Variants in MAN2C1 observed in about 807,000 individuals in gnomAD.
MAN2C1 encodes alpha-mannosidase 2C1.
A neutral mutation model predicts 126.9 loss-of-function variants in MAN2C1; 111 were observed. That is an observed-to-expected ratio of 0.87 (90% CI 0.75 to 1.02). The LOEUF is 1.02. Ranked by LOEUF, MAN2C1 falls within the 50% of genes least tolerant of loss-of-function variation. The probability of loss-of-function intolerance (pLI) is 0.00; values close to 1 mark genes in which losing one functional copy is unlikely to be tolerated. For missense variants in MAN2C1, 1,363 were observed against 1,364.4 expected (o/e 1.00, Z 0.02); for synonymous variants, 567 against 561.5 (o/e 1.01, Z -0.14).
chr15:75,361,061 G>C lies in MAN2C1; in HGVS notation c.1445C>G (p.Thr482Arg). ...MLDRLKRLSN[T>R]DGLPRVQLSS... ...CTGGCCTGACCTGGGCAGCCCATCCGTATTGCTCAGGCGCTTCAGGCGGTC... is the reference window on the plus strand; with the variant it reads ...CTGGCCTGACCTGGGCAGCCCATCCCTATTGCTCAGGCGCTTCAGGCGGTC... The change falls in exon 12 of 26, where the codon ACG becomes AGG. Residue 482 changes from threonine to arginine, a missense_variant. By Grantham distance (71) the Thr-to-Arg change is moderately conservative (BLOSUM62 -1). This residue lies in a region of MAN2C1 where 67 missense variants were observed against 104.5 expected (regional missense o/e 0.64). Transcript: ENST00000267978. The surrounding 1 kb of genome is among the most constrained non-coding windows in gnomAD (Gnocchi z 5.0). 2 of 1,610,616 alleles carry C rather than the reference G, an allele frequency of 1.2e-6. No individual in the cohort carries two copies. The highest frequency in any genetic ancestry group is 1.7e-6 in the Non-Finnish European group (2 of 1,178,750).
rs376422909 is a variant in MAN2C1 at position 75,361,959 on chromosome 15, G to A, written c.1009-12C>T. Reference sequence around the variant, plus strand: ...GGCAGGTTCCCATCCTGGCAGTGAAGGAAGTGGGAGGCAGCCCAGGTCAGC... The same window carrying A: ...GGCAGGTTCCCATCCTGGCAGTGAAAGAAGTGGGAGGCAGCCCAGGTCAGC... On this transcript the variant is annotated splice_polypyrimidine_tract_variant and intron_variant, in intron 8 of 25. Transcript: ENST00000267978. The surrounding 1 kb of genome is among the most constrained non-coding windows in gnomAD (Gnocchi z 5.0). 51 of 1,605,836 alleles carry A rather than the reference G, an allele frequency of 3.2e-5. No individual in the cohort carries two copies. The highest frequency in any genetic ancestry group is 5.0e-5 in the Admixed American group (3 of 60,004).
intron 18 of MAN2C1, 112 bp downstream of exon 18, chr15:75,358,947 C>T (rs2072405141): frequency 2.0e-6 from 3 of 1,508,440 alleles, no homozygotes; most frequent in African/African-American, 2.7e-5. Context: ...GTGTGGGTTC[C>T]AGCCCAGAGC....
In MAN2C1 at chr15:75,361,823, C is replaced by T. The variant is rs2072476041; in HGVS notation, c.1101+32G>A. The T allele has an allele frequency of 1.2e-6, 2 of 1,609,310 alleles. No individual in the cohort carries two copies. Among genetic ancestry groups the T allele is most frequent in the Non-Finnish European group, 1.7e-6 (2 of 1,175,698 alleles). ...CCAAGTCGAGCGCCAGCCCCACTCGCCCACAGCCTGGTGTAGCAGCTCTCA... is the reference window on the plus strand; with the variant it reads ...CCAAGTCGAGCGCCAGCCCCACTCGTCCACAGCCTGGTGTAGCAGCTCTCA... On this transcript the variant is annotated intron_variant, in intron 9 of 25. Transcript: ENST00000267978. The surrounding 1 kb of genome is among the most constrained non-coding windows in gnomAD (Gnocchi z 5.0).
chr15:75,364,658 G>A lies in MAN2C1; in HGVS notation c.430C>T (p.Leu144Phe). The change falls in exon 5 of 26, where the codon CTC becomes TTC. Residue 144 changes from leucine to phenylalanine, a missense_variant. Transcript: ENST00000267978. ...CCATTGCAGGCTACTTCCACATAGAGAGTGAGGCTACAAAGATGGGGAGAC... is the reference window on the plus strand; with the variant it reads ...CCATTGCAGGCTACTTCCACATAGAAAGTGAGGCTACAAAGATGGGGAGAC... The part of the protein sequence containing the change: ...LGERDPRSLT[L>F]YVEVACNGLL... The A allele has an allele frequency of 1.9e-6, 3 of 1,609,740 alleles. No homozygotes were observed. Among genetic ancestry groups the A allele is most frequent in the Non-Finnish European group, 2.5e-6 (3 of 1,177,508 alleles).
chr15:75,362,235 G>A lies in MAN2C1; in HGVS notation c.1008+108C>T, dbSNP rs1446182414. The A allele has an allele frequency of 3.2e-6, 3 of 945,920 alleles. No individual in the cohort carries two copies. The highest frequency in any genetic ancestry group is 2.0e-5 in the Admixed American group (1 of 49,618). The allele number at this position is 945,920 out of a possible 1,614,324, so 58.6% of individuals were successfully genotyped here. On this transcript the variant is annotated intron_variant, in intron 8 of 25. Transcript: ENST00000267978. The surrounding 1 kb of genome is among the most constrained non-coding windows in gnomAD (Gnocchi z 4.5). ...AATGAGCCAGCCCTGCCACACAGCG[G>A]GGATGAGTGGCCCGTGGAAACTCAC...
chr15:75,358,055 A>G, intron 21 of MAN2C1, 146 bp downstream of exon 21: 1 of 1,020,684 alleles, frequency 9.8e-7, no homozygotes, highest in Non-Finnish European at 1.4e-6. Context: ...GTGCCTTGCC[A>G]ATGTAAAGCA....
At chr15:75,367,309 A>G (rs770329847) in intron 3 of MAN2C1, among the ~76,000 whole-genome samples, 27 of 152,208 alleles carry the variant, frequency 1.8e-4, no homozygotes, top group Admixed American at 3.3e-4. Context: ...ATGTTTTCCT[A>G]TAAGTTTGTA....
chr15:75,366,083 T>C (rs1341555887), intron 4 of MAN2C1: 2 of 316,398 alleles, frequency 6.3e-6, no homozygotes, highest in African/African-American at 4.5e-5. Flanking sequence ...GGAGACTTCG[T>C]CTCAAAAAAA....
Position 75,356,769 on chromosome 15 carries a change from A to G in MAN2C1, c.2657+24T>C, listed in dbSNP as rs533347307. ...GACCCATTTCTCCATGCCAGCTCCC[A>G]GGCCTGGTGGGTACCCCACTTACAG... On this transcript the variant is annotated intron_variant, in intron 22 of 25. Transcript: ENST00000267978. The surrounding 1 kb of genome is among the most constrained non-coding windows in gnomAD (Gnocchi z 5.8). 2 of 1,613,444 alleles carry G rather than the reference A, an allele frequency of 1.2e-6. No individual in the cohort carries two copies. The highest frequency in any genetic ancestry group is 1.3e-5 in the African/African-American group (1 of 75,062).
At position 75,366,544 on chromosome 15, in the gene MAN2C1, G is replaced by C; in HGVS notation, c.400C>G (p.Leu134Val). 1 of 1,613,632 alleles carries C rather than the reference G, an allele frequency of 6.2e-7. No homozygotes were observed. The highest frequency in any genetic ancestry group is 8.5e-7 in the Non-Finnish European group (1 of 1,179,798). The change falls in exon 4 of 26, where the codon CTG becomes GTG. Residue 134 changes from leucine to valine, a missense_variant. Physicochemically the swap from Leu to Val is conservative, Grantham distance 32. Around this residue, in one of 3 missense-constraint regions of MAN2C1, gnomAD observed 628 missense variants for 609.8 expected, o/e 1.03. Coordinates refer to ENST00000267978, the MANE Select transcript of MAN2C1 (RefSeq NM_006715.4). ...EKTSYVLTDRLGERDPRSLTL... is the reference protein window; with the variant it reads ...EKTSYVLTDRVGERDPRSLTL... Reference sequence around the variant, plus strand: ...CACCTTCGGGGGTCTCTTTCCCCCAGCCTGTCAGTCAGGACATAGCTGGTC... The same window carrying C: ...CACCTTCGGGGGTCTCTTTCCCCCACCCTGTCAGTCAGGACATAGCTGGTC...
In MAN2C1 at chr15:75,362,007, G is replaced by C; in HGVS notation, c.1009-60C>G. 1 of 1,312,260 alleles carries C rather than the reference G, an allele frequency of 7.6e-7. No homozygotes were observed. The highest frequency in any genetic ancestry group is 1.2e-5 in the South Asian group (1 of 84,954). The allele number at this position is 1,312,260 out of a possible 1,614,324, so 81.3% of individuals were successfully genotyped here. ...AGCGCTGGACGGGGAGCAGGCAGGC[G>C]CTCAGGCCAACCCAATCCCTGCAGG... On this transcript the variant is annotated intron_variant, in intron 8 of 25. Transcript: ENST00000267978. The surrounding 1 kb of genome is among the most constrained non-coding windows in gnomAD (Gnocchi z 4.5).
chr15:75,359,569 C>G (rs575085864), intron 16 of MAN2C1, 51 bp downstream of exon 16: 4 of 1,604,750 alleles, frequency 2.5e-6, no homozygotes, highest in Non-Finnish European at 1.7e-6. Flanking sequence ...CCTGATCTGT[C>G]TGGCCTCCAT....
At position 75,367,801 on chromosome 15, in the gene MAN2C1, G is replaced by A. The variant is rs1412156840; in HGVS notation, c.228-167C>T. On this transcript the variant is annotated intron_variant, in intron 2 of 25. Coordinates refer to ENST00000267978, the MANE Select transcript of MAN2C1 (RefSeq NM_006715.4). ...AGCAACAAGGTGAGAAGCAAGATGA[G>A]GGAAACAGGCAGAGGCGTCAAAGGT... 4 of 960,148 alleles carry A rather than the reference G, an allele frequency of 4.2e-6. No homozygotes were observed. The East Asian group carries it at 1.0e-4, about 25-fold the overall frequency. The allele number at this position is 960,148 out of a possible 1,614,324, so 59.5% of individuals were successfully genotyped here.
In MAN2C1 at chr15:75,355,880, A is replaced by T; in HGVS notation, c.*26T>A. 6.2e-7 allele frequency: 1 copy of T among 1,613,196 alleles called. No individual in the cohort carries two copies. The highest frequency in any genetic ancestry group is 1.1e-5 in the South Asian group (1 of 90,994). On this transcript the variant is annotated 3_prime_UTR_variant, in exon 26 of 26. Coordinates refer to ENST00000267978, the MANE Select transcript of MAN2C1 (RefSeq NM_006715.4). ...AAATTAGGAGTCCCCAGAGCCTTCT[A>T]CAAACAAAACCCCAGCCCCAGGGAC... is the stretch of plus-strand genomic sequence containing the variant.
Position 75,361,748 on chromosome 15 carries a change from AGGAACCAGAG to A in MAN2C1, c.1102-38_1102-29del. The A allele has an allele frequency of 6.3e-7, 1 of 1,599,490 alleles. No individual in the cohort carries two copies. The highest frequency in any genetic ancestry group is 8.6e-7 in the Non-Finnish European group (1 of 1,166,792). On this transcript the variant is annotated intron_variant, in intron 9 of 25. Transcript: ENST00000267978. This position sits in a 1 kb window ranked among gnomAD's most constrained non-coding sequence, Gnocchi z 5.0. ...GTGGAGAAAGAGGATCCTGGAGTGCAGGAACCAGAGCTCCAGGCGGACTCACCCCAGCCTC... is the reference window on the plus strand; with the variant it reads ...GTGGAGAAAGAGGATCCTGGAGTGCACTCCAGGCGGACTCACCCCAGCCTC...
intron 6 of MAN2C1, chr15:75,363,362 C>T (rs1031064618): frequency 4.4e-6 from 2 of 455,234 alleles, no homozygotes; most frequent in African/African-American, 4.0e-5. Flanking sequence ...TCTGGAATCC[C>T]CCAACCCAGC....
rs761030112 is a variant in MAN2C1 at position 75,356,212 on chromosome 15, C to T, written c.2894G>A (p.Ser965Asn). 7 of 1,613,096 alleles carry T rather than the reference C, an allele frequency of 4.3e-6. No homozygotes were observed. The highest frequency in any genetic ancestry group is 5.9e-6 in the Non-Finnish European group (7 of 1,179,852). Residue 965 changes from serine (S) to asparagine (N), a missense_variant, in exon 25 of 26, where the codon AGC becomes AAC. Around this residue, in one of 3 missense-constraint regions of MAN2C1, gnomAD observed 668 missense variants for 650.1 expected, o/e 1.03. Transcript: ENST00000267978. This position sits in a 1 kb window ranked among gnomAD's most constrained non-coding sequence, Gnocchi z 5.8. ...GACCAGCGAGCGGCGCTGGGGGCTG[C>T]TCTCCGCCTGCAGAGGAACACGTCT... ...VVLETVKQAE[S>N]SPQRRSLVLR...
At chr15:75,359,843 G>C in intron 15 of MAN2C1, 60 bp downstream of exon 15, 2 of 1,612,168 alleles carry the variant, frequency 1.2e-6, no homozygotes, top group Non-Finnish European at 1.7e-6. Flanking sequence ...ATCCCACAGG[G>C]GACACTCTGG....
chr15:75,368,187 G>GC lies in MAN2C1; in HGVS notation c.112dup (p.Ala38GlyfsTer67). The GC allele has an allele frequency of 6.2e-7, 1 of 1,603,762 alleles. No individual in the cohort carries two copies. The highest frequency in any genetic ancestry group is 8.5e-7 in the Non-Finnish European group (1 of 1,177,136). Reference sequence around the variant, plus strand: ...GGAGAGCACAGCCACAGGGCAGCTGGCCCCAAAAAGCCTGCGTGGGACGGG... The same window carrying GC: ...GGAGAGCACAGCCACAGGGCAGCTGGCCCCCAAAAAGCCTGCGTGGGACGGG... On this transcript the variant is annotated frameshift_variant, in exon 2 of 26. Coordinates refer to ENST00000267978, the MANE Select transcript of MAN2C1 (RefSeq NM_006715.4). LOFTEE classifies it high-confidence loss of function.
Sources: allele counts gnomAD v4.1 joint callset (sites outside exome capture counted in the v4.1 genomes callset), GRCh38; gene constraint gnomAD v4.1.1; regional missense constraint gnomAD v4.1.1; non-coding constraint Gnocchi (gnomAD v3.1); transcripts MANE v1.5; gene names NCBI Gene and HGNC (gene_info 2026-07-23, HGNC 2026-07-21).